ATP8B4: variants seen among roughly 807,000 people sequenced by gnomAD.
ATP8B4 encodes ATPase phospholipid transporting 8B4 (putative).
In ATP8B4, 133 loss-of-function variants were observed where a neutral mutation model predicts 145.6. The ratio of observed to expected loss-of-function variants is 0.91; its 90% CI spans 0.79 to 1.05. The LOEUF (loss-of-function observed/expected upper bound fraction) is 1.05. ATP8B4 is among the 50% of genes least tolerant of loss of function. The pLI is 0.00. For synonymous variants in ATP8B4, 507 were observed against 492.9 expected, an observed-to-expected ratio of 1.03 and a Z score of -0.38; for missense variants, 1,458 against 1,425.2, an observed-to-expected ratio of 1.02 and a Z score of -0.37.
intron 1 of ATP8B4, among the ~76,000 whole-genome samples, chr15:50,152,028 A>G (rs2044354620): frequency 6.6e-6 from 1 of 152,134 alleles, no homozygotes; most frequent in African/African-American, 2.4e-5. Context: ...CATTTATATA[A>G]TATCATGTAA....
chr15:50,083,226 G>T (rs138016128), intron 2 of ATP8B4, among the ~76,000 whole-genome samples: 40 of 152,280 alleles, frequency 2.6e-4, no homozygotes, highest in African/African-American at 9.6e-4. Context: ...TCTCCTTGGA[G>T]ACTTTGGGCA....
At chr15:50,072,922 CT>C (rs1471626373) in intron 3 of ATP8B4, among the ~76,000 whole-genome samples, 1,255 of 7,310 alleles carry the variant, frequency 0.17, 72 homozygotes, top group Middle Eastern at 0.3. Flanking sequence ...TGTGCCCGGC[CT>C]CTCTCTCTCT....
intron 1 of ATP8B4, among the ~76,000 whole-genome samples, chr15:50,173,179 C>G (rs1451899346): frequency 6.6e-6 from 1 of 152,126 alleles, no homozygotes; most frequent in Non-Finnish European, 1.5e-5. Flanking sequence ...CCGGCCGCCA[C>G]CCCGTCTGGG....
chr15:50,015,424 G>C (rs574668208), intron 6 of ATP8B4, among the ~76,000 whole-genome samples: 1 of 152,340 alleles, frequency 6.6e-6, no homozygotes, highest in Admixed American at 6.5e-5. Flanking sequence ...ATAAGTGGCA[G>C]GTCTGGGACC....
At chr15:50,175,847 G>C (rs574256831) in intron 1 of ATP8B4, among the ~76,000 whole-genome samples, 1 of 152,046 alleles carries the variant, frequency 6.6e-6, no homozygotes, top group Admixed American at 6.6e-5. Context: ...CCCACTGCTG[G>C]GTATCTACCC....
intron 2 of ATP8B4, among the ~76,000 whole-genome samples, chr15:50,092,572 A>G (rs11070749): frequency 0.92 from 139,615 of 152,064 alleles, 64,193 homozygotes; most frequent in African/African-American, 0.98. Context: ...TGAAAATATA[A>G]TAAATTCAGA....
intron 7 of ATP8B4, among the ~76,000 whole-genome samples, chr15:50,010,363 G>T (rs1017865329): frequency 6.6e-6 from 1 of 151,846 alleles, no homozygotes; most frequent in African/African-American, 2.4e-5. Flanking sequence ...TTAATAACAT[G>T]TTATTAATTC....
In ATP8B4 at chr15:49,920,305, T is replaced by C. The variant is rs1485834828; in HGVS notation, c.1864A>G (p.Thr622Ala). The C allele has an allele frequency of 6.2e-7, 1 of 1,614,224 alleles. No homozygotes were observed. ...HKMLEDANAA[T>A]EERDERIAGL... ...GCTATTCGTTCATCCCTCTCTTCTGTGGCAGCATTCGCATCTTCAAGCATC... is the reference window on the plus strand; with the variant it reads ...GCTATTCGTTCATCCCTCTCTTCTGCGGCAGCATTCGCATCTTCAAGCATC... Residue 622 changes from threonine to alanine, a missense_variant, in exon 18 of 28, where the codon ACA (threonine) becomes GCA (alanine). Physicochemically the swap from Thr to Ala is moderately conservative, Grantham distance 58 (BLOSUM62 0). Coordinates refer to ENST00000284509, the MANE Select transcript of ATP8B4 (RefSeq NM_024837.4).
chr15:50,026,792 AAC>A (rs1159893672), intron 6 of ATP8B4, among the ~76,000 whole-genome samples: 2 of 152,258 alleles, frequency 1.3e-5, no homozygotes, highest in East Asian at 3.9e-4. Flanking sequence ...GTAGAAAGAC[AAC>A]AGAGGTTCTC....
chr15:50,085,979 A>AT (rs1404963425), intron 2 of ATP8B4, among the ~76,000 whole-genome samples: 766 of 21,154 alleles, frequency 0.036, 52 homozygotes, highest in East Asian at 0.11. Flanking sequence ...ATGATATATC[A>AT]AATATATCAT....
intron 3 of ATP8B4, among the ~76,000 whole-genome samples, chr15:50,048,719 GA>G (rs1435681019): frequency 6.6e-6 from 1 of 151,056 alleles, no homozygotes; most frequent in Non-Finnish European, 1.5e-5. Flanking sequence ...AAAAAAAAAG[GA>G]AAAAAGATGG....
At chr15:49,873,401 T>A (rs2033934277) in intron 25 of ATP8B4, among the ~76,000 whole-genome samples, 1 of 152,204 alleles carries the variant, frequency 6.6e-6, no homozygotes, top group Non-Finnish European at 1.5e-5. Context: ...AGCAACATGG[T>A]TGAATAAATT....
rs1304919648 is a variant in ATP8B4 at position 49,916,965 on chromosome 15, T to A, written c.2110A>T (p.Asn704Tyr). The A allele has an allele frequency of 1.9e-6, 3 of 1,613,816 alleles. No homozygotes were observed. Among genetic ancestry groups the A allele is most frequent in the Non-Finnish European group, 2.5e-6 (3 of 1,179,906 alleles). Reference sequence around the variant, plus strand: ...TCTTCTCTCACTTCCACAGCATTATTCCCTGCTATCACAAACACATCATTC... The same window carrying A: ...TCTTCTCTCACTTCCACAGCATTATACCCTGCTATCACAAACACATCATTC... Reference protein sequence around the residue: ...DMNDVFVIAGNNAVEVREELR... With the variant: ...DMNDVFVIAGYNAVEVREELR... The change falls in exon 20 of 28, where the codon AAT becomes TAT. Residue 704 changes from asparagine to tyrosine, a missense_variant. Coordinates refer to ENST00000284509, the MANE Select transcript of ATP8B4 (RefSeq NM_024837.4).
rs2037994139 is a variant in ATP8B4, at chr15:49,901,231, T to C, written c.2150A>G (p.Lys717Arg). 6.2e-7 allele frequency: 1 copy of C among 1,613,076 alleles called. No individual in the cohort carries two copies. The highest frequency in any genetic ancestry group is 1.3e-5 in the African/African-American group (1 of 74,870). Residue 717 changes from lysine (K) to arginine (R), a missense_variant, in exon 21 of 28, where the codon AAA becomes AGA. By Grantham distance (26) the Lys-to-Arg change is conservative. Transcript: ENST00000284509. ...TCTGTTTTGTCCAAACAAATTTTGT[T>C]TTGCTTTCCTTAAAGGAGAGGGTGA... Reference protein sequence around the residue: ...VEVREELRKAKQNLFGQNRNF... With the variant: ...VEVREELRKARQNLFGQNRNF...
intron 26 of ATP8B4, among the ~76,000 whole-genome samples, chr15:49,864,933 G>C (rs541068613): frequency 6.6e-6 from 1 of 152,296 alleles, no homozygotes; most frequent in South Asian, 2.1e-4. Context: ...TGAGCTGTAT[G>C]TTTGGTCTTC....
chr15:50,179,088 A>G (rs1407088986), intron 1 of ATP8B4, among the ~76,000 whole-genome samples: 2 of 152,276 alleles, frequency 1.3e-5, no homozygotes, highest in Non-Finnish European at 2.9e-5. Context: ...CATTTTTAGG[A>G]GTGTGCAGAC....
intron 4 of ATP8B4, 65 bp from the exon 5 acceptor site, chr15:50,044,757 T>C: frequency 8.8e-7 from 1 of 1,130,282 alleles, no homozygotes; most frequent in South Asian, 1.4e-5. Context: ...CCAAACTGTG[T>C]CATTTAATTT....
chr15:50,057,373 C>G (rs2052686575), intron 3 of ATP8B4, among the ~76,000 whole-genome samples: 1 of 152,164 alleles, frequency 6.6e-6, no homozygotes. Context: ...CCCATAAAAG[C>G]AAGTATTGTA....
At chr15:50,163,450 T>G (rs529039685) in intron 1 of ATP8B4, among the ~76,000 whole-genome samples, 1 of 152,228 alleles carries the variant, frequency 6.6e-6, no homozygotes, top group East Asian at 1.9e-4. Flanking sequence ...GCAGATACAC[T>G]TGTTCTATTT....
Sources: allele counts gnomAD v4.1 joint callset (sites outside exome capture counted in the v4.1 genomes callset), GRCh38; gene constraint gnomAD v4.1.1; transcripts MANE v1.5; gene names NCBI Gene and HGNC (gene_info 2026-07-23, HGNC 2026-07-21).